Variants in EZR observed in about 807,000 individuals in gnomAD.
EZR encodes cytovillin 2.
EZR carries 40 observed loss-of-function variants against 74.8 expected under a neutral mutation model. The ratio of observed to expected loss-of-function variants is 0.53; its 90% CI spans 0.42 to 0.70. The LOEUF (loss-of-function observed/expected upper bound fraction) is 0.70. EZR is among the 30% of genes least tolerant of loss of function. The pLI is 0.00. For synonymous variants in EZR, 341 were observed against 283.3 expected, an observed-to-expected ratio of 1.20 and a Z score of -2.05; for missense variants, 678 against 755.8, an observed-to-expected ratio of 0.90 and a Z score of 1.21.
intron 7 of EZR, among the ~76,000 whole-genome samples, chr6:158,782,923 G>A (rs556858596): frequency 5.8e-4 from 89 of 152,342 alleles, no homozygotes; most frequent in African/African-American, 1.9e-3. Flanking sequence ...CCCTGTATGT[G>A]AAAGCGGAAC....
chr6:158,774,356 A>G (rs188400135), intron 8 of EZR, among the ~76,000 whole-genome samples: 46 of 152,138 alleles, frequency 3.0e-4, no homozygotes, highest in African/African-American at 1.1e-3. Context: ...CCATCTTCTG[A>G]TCCGGCTTAG....
At chr6:158,808,538 A>C (rs1274946781) in intron 2 of EZR, among the ~76,000 whole-genome samples, 1 of 152,242 alleles carries the variant, frequency 6.6e-6, no homozygotes, top group Admixed American at 6.5e-5. Context: ...GAGCTAGTAA[A>C]GCTTTTAATC....
At chr6:158,809,618 TTC>T (rs1328870880) in intron 2 of EZR, among the ~76,000 whole-genome samples, 7 of 152,248 alleles carry the variant, frequency 4.6e-5, no homozygotes, top group African/African-American at 1.7e-4. Flanking sequence ...ACAAAACACA[TTC>T]TGTTCTTTGA....
At chr6:158,787,877 G>T (rs187173113) in intron 3 of EZR, among the ~76,000 whole-genome samples, 34 of 152,290 alleles carry the variant, frequency 2.2e-4, no homozygotes, top group African/African-American at 7.0e-4. Context: ...TCACAGCAAA[G>T]ATTTCACATT....
intron 7 of EZR, among the ~76,000 whole-genome samples, chr6:158,780,657 G>A (rs963937368): frequency 6.6e-6 from 1 of 152,206 alleles, no homozygotes; most frequent in African/African-American, 2.4e-5. Flanking sequence ...GGACTTCTAT[G>A]ATGAAATCTG....
chr6:158,766,831 C>A lies in EZR; in HGVS notation c.*83G>T. On this transcript the variant is annotated 3_prime_UTR_variant, in exon 14 of 14. Transcript: ENST00000367075. ...ACTGGGATCTGAGGGAGTTCCTAGA[C>A]TTGGAGCACTAAAGACACAAGCGTG... 7.5e-7 allele frequency: 1 copy of A among 1,326,956 alleles called. No homozygotes were observed. The highest frequency in any genetic ancestry group is 2.0e-5 in the Admixed American group (1 of 49,366). 82.2% of individuals were successfully genotyped at this position (1,326,956 alleles called of 1,614,324 possible).
At chr6:158,810,281 A>T (rs1777426206) in intron 2 of EZR, among the ~76,000 whole-genome samples, 1 of 152,200 alleles carries the variant, frequency 6.6e-6, no homozygotes, top group Non-Finnish European at 1.5e-5. Context: ...AGTGTTAAGA[A>T]CGGGTTAATG....
chr6:158,794,105 C>T (rs944285837), intron 2 of EZR, among the ~76,000 whole-genome samples: 5 of 152,146 alleles, frequency 3.3e-5, no homozygotes, highest in Non-Finnish European at 4.4e-5. Flanking sequence ...AGTGAAGCCC[C>T]GTCTCTACTA....
intron 2 of EZR, among the ~76,000 whole-genome samples, chr6:158,791,511 A>G (rs954879966): frequency 2.6e-5 from 4 of 152,106 alleles, no homozygotes; most frequent in Non-Finnish European, 5.9e-5. Context: ...AGAAGCCAAC[A>G]ATGACATAAC....
chr6:158,766,301 A>AAAAAAAAAAAAC lies in EZR; in HGVS notation c.*601_*612dup. On this transcript the variant is annotated 3_prime_UTR_variant, in exon 14 of 14. Transcript: ENST00000367075. Reference sequence around the variant, plus strand: ...AATGTATTCTAAAACTGTTAAGCAAAAAAAAAAAAAACAAAAAAAAAAATC... The same window carrying AAAAAAAAAAAAC: ...AATGTATTCTAAAACTGTTAAGCAAAAAAAAAAAAAACAAAAAAAAAAACAAAAAAAAAAATC... 8.1e-6 allele frequency: 1 copy of AAAAAAAAAAAAC among 122,716 alleles called. No individual in the cohort carries two copies. The highest frequency in any genetic ancestry group is 2.9e-5 in the African/African-American group (1 of 34,484). The allele number at this position is 122,716 out of a possible 1,614,324, so 7.6% of individuals were successfully genotyped here.
intron 3 of EZR, among the ~76,000 whole-genome samples, chr6:158,787,992 GAAC>G (rs1176910493): frequency 2.6e-5 from 4 of 152,150 alleles, no homozygotes; most frequent in African/African-American, 7.2e-5. Context: ...GACATTTGTT[GAAC>G]ATCATCTAAA....
At chr6:158,780,651 T>G (rs1355664643) in intron 7 of EZR, among the ~76,000 whole-genome samples, 1 of 152,208 alleles carries the variant, frequency 6.6e-6, no homozygotes, top group Non-Finnish European at 1.5e-5. Context: ...ACAGAAGGAC[T>G]TCTATGATGA....
At chr6:158,814,390 T>C (rs1437017521) in intron 2 of EZR, among the ~76,000 whole-genome samples, 1 of 63,194 alleles carries the variant, frequency 1.6e-5, no homozygotes, top group Non-Finnish European at 3.6e-5. Context: ...CCTCTCGACG[T>C]TACCTAGGCT....
chr6:158,807,635 C>T (rs907109613), intron 2 of EZR, among the ~76,000 whole-genome samples: 2 of 152,252 alleles, frequency 1.3e-5, no homozygotes, highest in East Asian at 1.9e-4. Context: ...GTGGTTTTAA[C>T]GCTTCAAAGA....
intron 3 of EZR, chr6:158,788,508 G>GT (rs1791643036): frequency 6.6e-6 from 1 of 152,132 alleles, no homozygotes; most frequent in Admixed American, 6.5e-5. Context: ...TTAGCAGGGC[G>GT]TGGTAGCATG....
chr6:158,798,241 CTT>C (rs1777114221), intron 2 of EZR, among the ~76,000 whole-genome samples: 1 of 116,660 alleles, frequency 8.6e-6, no homozygotes, highest in Non-Finnish European at 2.1e-5. Flanking sequence ...GGACATTTAA[CTT>C]GCTCCTTGTT....
chr6:158,781,231 G>T (rs1395353837), intron 7 of EZR, among the ~76,000 whole-genome samples: 1 of 152,168 alleles, frequency 6.6e-6, no homozygotes, highest in Non-Finnish European at 1.5e-5. Context: ...GTTCAAAAGG[G>T]AAAGAATTTG....
At chr6:158,767,749 CTTTT>C (rs374875801) in intron 12 of EZR, among the ~76,000 whole-genome samples, 1 of 152,024 alleles carries the variant, frequency 6.6e-6, no homozygotes, top group Non-Finnish European at 1.5e-5. Context: ...ACTACCATTT[CTTTT>C]TTTACCTGTA....
chr6:158,782,906 G>A (rs1003640593), intron 7 of EZR, among the ~76,000 whole-genome samples: 2 of 152,202 alleles, frequency 1.3e-5, no homozygotes, highest in African/African-American at 4.8e-5. Flanking sequence ...CAGAAAGAAG[G>A]CAAATGCCCT....
Sources: gnomAD v4.1 joint callset for allele counts (sites outside exome capture counted in the v4.1 genomes callset) on GRCh38, gnomAD v4.1.1 for gene constraint, MANE v1.5 for transcripts, NCBI Gene and HGNC (gene_info 2026-07-23, HGNC 2026-07-21) for gene names.